The following PHF20L1 variants were observed in gnomAD, a reference collection of about 807,000 sequenced individuals.
PHF20L1 encodes the protein PHD finger protein 20-like protein 1.
A neutral mutation model predicts 125.5 loss-of-function variants in PHF20L1; 44 were observed. The ratio of observed to expected loss-of-function variants is 0.35; its 90% CI spans 0.28 to 0.45. The LOEUF (loss-of-function observed/expected upper bound fraction) is 0.45. PHF20L1 is among the 20% of genes least tolerant of loss of function. The pLI, the probability that PHF20L1 is intolerant of heterozygous loss-of-function variation, is 1.00. For missense variants in PHF20L1, 1,012 were observed against 1,217.2 expected, an observed-to-expected ratio of 0.83 and a Z score of 2.51; for synonymous variants, 380 against 403.1, an observed-to-expected ratio of 0.94 and a Z score of 0.69.
chr8:132,816,592 C>T (rs1333945541), intron 10 of PHF20L1: 3 of 250,994 alleles, frequency 1.2e-5, no homozygotes, highest in East Asian at 1.7e-4. Context: ...CAACGATCTG[C>T]AATTAGAGAA....
chr8:132,794,892 G>T, intron 4 of PHF20L1, 75 bp downstream of exon 4: 1 of 910,552 alleles, frequency 1.1e-6, no homozygotes, highest in Non-Finnish European at 1.8e-6. Flanking sequence ...ATTTTAATTA[G>T]TGTGTGTTAT....
intron 12 of PHF20L1, among the ~76,000 whole-genome samples, chr8:132,821,624 A>G (rs916935910): frequency 2.1e-4 from 32 of 151,908 alleles, no homozygotes; most frequent in Non-Finnish European, 2.6e-4. Context: ...TGGGGTTTCT[A>G]TGGAGAGTCT....
At chr8:132,822,480 TA>T (rs1338554668) in intron 12 of PHF20L1, among the ~76,000 whole-genome samples, 8 of 152,006 alleles carry the variant, frequency 5.3e-5, no homozygotes, top group Non-Finnish European at 1.2e-4. Context: ...GTTAGCAATA[TA>T]TCTGAATGTA....
chr8:132,789,978 C>G (rs1451227130), intron 2 of PHF20L1, among the ~76,000 whole-genome samples: 23 of 152,112 alleles, frequency 1.5e-4, no homozygotes, highest in Admixed American at 1.5e-3. Context: ...TTATCTCTGA[C>G]TCTTCAAAAT....
chr8:132,820,106 C>G (rs1438178592), intron 12 of PHF20L1, among the ~76,000 whole-genome samples: 1 of 151,718 alleles, frequency 6.6e-6, no homozygotes, highest in Non-Finnish European at 1.5e-5. Context: ...GCCCACATGT[C>G]TAGCCACTGT....
In PHF20L1 at chr8:132,847,677, G is replaced by C. The variant is rs1461006920; in HGVS notation, c.*1754G>C. On this transcript the variant is annotated 3_prime_UTR_variant, in exon 21 of 21. Coordinates refer to ENST00000395386, the MANE Select transcript of PHF20L1 (RefSeq NM_016018.5). ...CAGTCAGAAATTTTTATTGCCTTTTGAGATTCTCCAACTTGACAAATGTGC... is the reference window on the plus strand; with the variant it reads ...CAGTCAGAAATTTTTATTGCCTTTTCAGATTCTCCAACTTGACAAATGTGC... The C allele has an allele frequency of 6.6e-6, 1 of 152,472 alleles. No individual in the cohort carries two copies. Among genetic ancestry groups the C allele is most frequent in the Non-Finnish European group, 1.5e-5 (1 of 67,984 alleles). 9.4% of individuals were successfully genotyped at this position (152,472 alleles called of 1,614,324 possible).
At chr8:132,776,839 C>G (rs1354569882) in intron 1 of PHF20L1, among the ~76,000 whole-genome samples, 1 of 152,144 alleles carries the variant, frequency 6.6e-6, no homozygotes, top group Non-Finnish European at 1.5e-5. Context: ...CCCCTGATAA[C>G]AATCAATTTA....
chr8:132,789,705 G>A (rs902554403), intron 2 of PHF20L1, among the ~76,000 whole-genome samples: 3 of 152,080 alleles, frequency 2.0e-5, no homozygotes, highest in African/African-American at 7.2e-5. Flanking sequence ...CAGCGGTGGA[G>A]GTGATTATTT....
At position 132,805,002 on chromosome 8, in the gene PHF20L1, C is replaced by T. The variant is rs1021759146; in HGVS notation, c.847+262C>T. Among the ~76,000 whole-genome samples, 4 of 151,948 alleles carry T rather than the reference C, an allele frequency of 2.6e-5. No individual in the cohort carries two copies. The East Asian group carries it at 5.8e-4, about 22-fold the overall frequency. ...TGATAAGGACAAATGCTACAAAGCT[C>T]AGTGATTTTTAAATTACATTTGTGG... On this transcript the variant is annotated intron_variant, in intron 8 of 20. Coordinates refer to ENST00000395386, the MANE Select transcript of PHF20L1 (RefSeq NM_016018.5).
chr8:132,837,741 C>T lies in PHF20L1; in HGVS notation c.2121C>T (p.Ser707=), dbSNP rs764703061. 4 of 1,612,862 alleles carry T rather than the reference C, an allele frequency of 2.5e-6. No homozygotes were observed. Among genetic ancestry groups the T allele is most frequent in the East Asian group, 2.2e-5 (1 of 44,836 alleles). Residue 707 remains serine (S), a synonymous_variant, in exon 17 of 21, where the codon AGC becomes AGT. Coordinates refer to ENST00000395386, the MANE Select transcript of PHF20L1 (RefSeq NM_016018.5). The part of the protein sequence containing the change: ...QCEECLCWQH[S]VCMGLLEESI... ...AAGAGTGCTTGTGTTGGCAACACAG[C>T]GTGTGCATGGGGCTGCTGGAGGAGA...
intron 5 of PHF20L1, 80 bp downstream of exon 5, chr8:132,798,940 A>AT: frequency 8.9e-7 from 1 of 1,119,308 alleles, no homozygotes; most frequent in South Asian, 1.5e-5. Context: ...TTATATGTAT[A>AT]TTTTTTAAAA....
chr8:132,844,739 T>C (rs1838263717), intron 20 of PHF20L1, among the ~76,000 whole-genome samples: 1 of 152,142 alleles, frequency 6.6e-6, no homozygotes, highest in Non-Finnish European at 1.5e-5. Context: ...CAAAGTTAAG[T>C]AGGTAAACCT....
intron 2 of PHF20L1, among the ~76,000 whole-genome samples, chr8:132,781,820 C>T (rs1039228587): frequency 3.9e-5 from 6 of 152,162 alleles, no homozygotes; most frequent in Admixed American, 3.3e-4. Context: ...CTAATGGACA[C>T]AGGCCCTGAG....
chr8:132,820,768 T>C (rs966900283), intron 12 of PHF20L1, among the ~76,000 whole-genome samples: 5 of 151,980 alleles, frequency 3.3e-5, no homozygotes, highest in Non-Finnish European at 5.9e-5. Context: ...AAAAAAAGAT[T>C]ATGATGTAGG....
intron 12 of PHF20L1, among the ~76,000 whole-genome samples, chr8:132,822,736 G>A (rs932618685): frequency 2.0e-4 from 30 of 151,826 alleles, no homozygotes; most frequent in African/African-American, 6.0e-4. Context: ...TTCTTATTTA[G>A]GTTTAAACTT....
In PHF20L1 at chr8:132,816,947, T is replaced by A; in HGVS notation, c.1243T>A (p.Ser415Thr). 1.9e-6 allele frequency: 3 copies of A among 1,612,374 alleles called. No homozygotes were observed. The highest frequency in any genetic ancestry group is 2.5e-6 in the Non-Finnish European group (3 of 1,178,896). Residue 415 changes from serine (S) to threonine (T), a missense_variant, in exon 11 of 21, where the codon TCT (serine) becomes ACT (threonine). Coordinates refer to ENST00000395386, the MANE Select transcript of PHF20L1 (RefSeq NM_016018.5). ...CAAGCATAGTGAGCGGAGAAGAAGA[T>A]CTCAGCGTTTAGCCACCTTACCCAT... The part of the protein sequence containing the change: ...PFKHSERRRR[S>T]QRLATLPMPD...
chr8:132,813,706 GAGAT>G (rs375503413), intron 9 of PHF20L1, among the ~76,000 whole-genome samples: 122 of 152,068 alleles, frequency 8.0e-4, no homozygotes, highest in African/African-American at 2.4e-3. Context: ...ATATCAGAAA[GAGAT>G]AGAAGTATTG....
At chr8:132,836,396 G>A (rs1837364957) in intron 15 of PHF20L1, 144 bp from the exon 16 acceptor site, 2 of 598,320 alleles carry the variant, frequency 3.3e-6, no homozygotes, top group Non-Finnish European at 5.8e-6. Context: ...CCAGAGACAA[G>A]TACAGTACAG....
At chr8:132,833,807 G>C (rs1029392700) in intron 15 of PHF20L1, among the ~76,000 whole-genome samples, 1 of 152,102 alleles carries the variant, frequency 6.6e-6, no homozygotes, top group African/African-American at 2.4e-5. Context: ...TTATGATCAA[G>C]TACTAAGTCA....
Sources: allele counts gnomAD v4.1 joint callset (sites outside exome capture counted in the v4.1 genomes callset), GRCh38; gene constraint gnomAD v4.1.1; transcripts MANE v1.5; gene names NCBI Gene and HGNC (gene_info 2026-07-23, HGNC 2026-07-21).